Variants in ERBB4 observed in about 807,000 individuals in gnomAD.
The protein encoded by ERBB4 is receptor tyrosine-protein kinase erbB-4.
In ERBB4, 42 loss-of-function variants were observed where a neutral mutation model predicts 158.0. The observed-to-expected ratio is 0.27, with a 90% CI of 0.21 to 0.34. The LOEUF (loss-of-function observed/expected upper bound fraction) is 0.34, where lower values mean the gene tolerates loss of function less well. Ranked by LOEUF, ERBB4 falls within the 10% of genes least tolerant of loss-of-function variation. The pLI is 1.00. For synonymous variants in ERBB4, 583 were observed against 558.7 expected (o/e 1.04, Z -0.61); for missense variants, 1,333 against 1,624.1 (o/e 0.82, Z 3.08).
At position 211,381,000 on chromosome 2, in the gene ERBB4, C is replaced by T. The variant is rs1333175511; in HGVS notation, c.*2615G>A. 1 of 232,040 alleles carries T rather than the reference C, an allele frequency of 4.3e-6. No individual in the cohort carries two copies. Among genetic ancestry groups the T allele is most frequent in the African/African-American group, 2.2e-5 (1 of 45,208 alleles). 14.4% of individuals were successfully genotyped at this position (232,040 alleles called of 1,614,324 possible). A position where few individuals can be genotyped will look rare whatever the true frequency, so the allele number is the denominator to read the frequency against. On this transcript the variant is annotated 3_prime_UTR_variant, in exon 28 of 28. Coordinates refer to ENST00000342788, the MANE Select transcript of ERBB4 (RefSeq NM_005235.3). ...AAAAGAGGGCTGTGATGACTCGATG[C>T]AGATTTATTTAGAAAGGGAGGCTTA...
At chr2:211,805,782 T>C (rs548195642) in intron 3 of ERBB4, among the ~76,000 whole-genome samples, 1 of 152,040 alleles carries the variant, frequency 6.6e-6, no homozygotes, top group South Asian at 2.1e-4. Flanking sequence ...TATTCACAGA[T>C]AATTTGAGAA....
intron 20 of ERBB4, among the ~76,000 whole-genome samples, chr2:211,559,535 A>T (rs1249581196): frequency 6.6e-6 from 1 of 152,174 alleles, no homozygotes; most frequent in Non-Finnish European, 1.5e-5. Context: ...CTTGATCACC[A>T]CATCTGTAGA....
intron 3 of ERBB4, among the ~76,000 whole-genome samples, chr2:211,848,395 G>A (rs1376967038): frequency 1.3e-5 from 2 of 152,016 alleles, no homozygotes; most frequent in Non-Finnish European, 2.9e-5. Context: ...AATTGAACCT[G>A]GAATCATGGC....
At chr2:211,450,852 G>A (rs1340345337) in intron 20 of ERBB4, among the ~76,000 whole-genome samples, 1 of 152,092 alleles carries the variant, frequency 6.6e-6, no homozygotes, top group East Asian at 1.9e-4. Flanking sequence ...CTTACCTGTT[G>A]TCTGTTTCAC....
At chr2:211,480,733 G>T (rs4439896) in intron 20 of ERBB4, among the ~76,000 whole-genome samples, 9,385 of 152,056 alleles carry the variant, frequency 0.062, 756 homozygotes, top group African/African-American at 0.19. Context: ...CTCATTAGGC[G>T]TCACAGTTTT....
At chr2:211,890,200 G>A (rs1169660935) in intron 3 of ERBB4, among the ~76,000 whole-genome samples, 3 of 85,366 alleles carry the variant, frequency 3.5e-5, no homozygotes, top group Admixed American at 1.3e-4. Flanking sequence ...GACTAACAGC[G>A]GATCTCTCGG....
chr2:211,851,683 T>C (rs1334030344), intron 3 of ERBB4, among the ~76,000 whole-genome samples: 1 of 151,964 alleles, frequency 6.6e-6, no homozygotes, highest in South Asian at 2.1e-4. Context: ...AATATTTATA[T>C]CCCATAAAAT....
intron 1 of ERBB4, among the ~76,000 whole-genome samples, chr2:212,365,333 A>G (rs1389588535): frequency 6.6e-6 from 1 of 151,782 alleles, no homozygotes; most frequent in Non-Finnish European, 1.5e-5. Context: ...GGAATAATAT[A>G]TCCCCATTTA....
At chr2:211,517,821 A>C (rs1241708207) in intron 20 of ERBB4, among the ~76,000 whole-genome samples, 1 of 152,140 alleles carries the variant, frequency 6.6e-6, no homozygotes, top group Non-Finnish European at 1.5e-5. Context: ...ATGACACAAA[A>C]TAGAGGAGGT....
chr2:212,085,980 G>A (rs2078595112), intron 2 of ERBB4, among the ~76,000 whole-genome samples: 1 of 151,838 alleles, frequency 6.6e-6, no homozygotes, highest in South Asian at 2.1e-4. Context: ...GACACCTATT[G>A]TGTCTAATGA....
intron 20 of ERBB4, among the ~76,000 whole-genome samples, chr2:211,449,868 T>C (rs1055156433): frequency 2.6e-5 from 4 of 152,292 alleles, no homozygotes; most frequent in Admixed American, 1.3e-4. Context: ...GGAATTAACA[T>C]TCAAGTGTTT....
chr2:211,941,991 G>C (rs1017764714), intron 3 of ERBB4, among the ~76,000 whole-genome samples: 1 of 152,056 alleles, frequency 6.6e-6, no homozygotes, highest in African/African-American at 2.4e-5. Context: ...TCAAGATAAA[G>C]AATCTGAGTC....
intron 2 of ERBB4, among the ~76,000 whole-genome samples, chr2:211,982,466 A>G (rs903629007): frequency 6.5e-4 from 99 of 152,348 alleles, no homozygotes; most frequent in African/African-American, 2.2e-3. Flanking sequence ...AGGAGAGAAA[A>G]AAATGTTTGG....
At chr2:211,911,197 G>C (rs11887994) in intron 3 of ERBB4, among the ~76,000 whole-genome samples, 54,777 of 151,960 alleles carry the variant, frequency 0.36, 10,784 homozygotes, top group African/African-American at 0.52. Context: ...TGAAGAGCCC[G>C]ACAGTCTTTT....
At chr2:212,483,933 T>G (rs1689845999) in intron 1 of ERBB4, among the ~76,000 whole-genome samples, 1 of 152,166 alleles carries the variant, frequency 6.6e-6, no homozygotes, top group Non-Finnish European at 1.5e-5. Context: ...AGACGGAGTT[T>G]CACCGTGTTA....
chr2:212,145,984 A>G (rs1237786504), intron 1 of ERBB4, among the ~76,000 whole-genome samples: 1 of 152,050 alleles, frequency 6.6e-6, no homozygotes, highest in African/African-American at 2.4e-5. Context: ...TAAGGGCCCA[A>G]AGGGGATAGT....
chr2:211,796,563 G>A (rs961976673), intron 3 of ERBB4, among the ~76,000 whole-genome samples: 2 of 151,920 alleles, frequency 1.3e-5, no homozygotes, highest in African/African-American at 4.8e-5. Context: ...TAGTATATGA[G>A]AAATCTAGTT....
intron 1 of ERBB4, among the ~76,000 whole-genome samples, chr2:212,195,394 G>T (rs1291168852): frequency 6.6e-6 from 1 of 151,850 alleles, no homozygotes; most frequent in Non-Finnish European, 1.5e-5. Context: ...TACTTAATCT[G>T]CTACTTATAG....
At chr2:211,543,433 A>C (rs59173109) in intron 20 of ERBB4, among the ~76,000 whole-genome samples, 3,029 of 152,122 alleles carry the variant, frequency 0.02, 84 homozygotes, top group African/African-American at 0.07. Flanking sequence ...CATAAGAAAT[A>C]AATCCATGTG....
Sources: gnomAD v4.1 joint callset for allele counts (sites outside exome capture counted in the v4.1 genomes callset) on GRCh38, gnomAD v4.1.1 for gene constraint, MANE v1.5 for transcripts, NCBI Gene and HGNC (gene_info 2026-07-23, HGNC 2026-07-21) for gene names.